Variants in MAP3K4 observed in about 807,000 individuals in gnomAD.
MAP3K4 encodes mitogen-activated protein kinase kinase kinase 4.
Under a neutral mutation model 185.6 loss-of-function variants are expected in MAP3K4, and 67 were observed. The ratio of observed to expected loss-of-function variants is 0.36; its 90% confidence interval spans 0.30 to 0.44. The LOEUF (loss-of-function observed/expected upper bound fraction) is 0.44. Ranked by LOEUF, MAP3K4 falls within the 20% of genes least tolerant of loss-of-function variation. The pLI is 1.00. For missense variants in MAP3K4, 1,551 were observed against 1,995.1 expected (o/e 0.78, Z 4.24); for synonymous variants, 702 against 710.4 (o/e 0.99, Z 0.19).
rs1777290553 is a variant in MAP3K4 at position 161,091,237 on chromosome 6, A to T, written c.2974-142A>T. On this transcript the variant is annotated intron_variant, in intron 11 of 26. Coordinates refer to ENST00000392142, the MANE Select transcript of MAP3K4 (RefSeq NM_005922.4). This position sits in a 1 kb window ranked among gnomAD's most constrained non-coding sequence, Gnocchi z 5.5. ...AATAAAATGACATAATTTCTTCTAT[A>T]TTTGGTAATTCCTTTACCAAGTGGC... is the stretch of plus-strand genomic sequence containing the variant. The T allele has an allele frequency of 1.7e-6, 1 of 579,492 alleles. No individual in the cohort carries two copies. Among genetic ancestry groups the T allele is most frequent in the South Asian group, 3.2e-5 (1 of 31,266 alleles). The allele number at this position is 579,492 out of a possible 1,614,324, so 35.9% of individuals were successfully genotyped here.
At chr6:161,081,134 T>TA in intron 6 of MAP3K4, 96 bp downstream of exon 6, 2 of 1,349,094 alleles carry the variant, frequency 1.5e-6, no homozygotes, top group Non-Finnish European at 2.0e-6. Context: ...TATGTTTAGT[T>TA]ACATGAAAAT....
At chr6:161,078,979 C>G (rs1003535955) in intron 5 of MAP3K4, among the ~76,000 whole-genome samples, 2 of 152,112 alleles carry the variant, frequency 1.3e-5, no homozygotes, top group Admixed American at 1.3e-4. Context: ...TTTGGGAGGC[C>G]GAGGCTGGTG....
chr6:161,012,121 T>C (rs1165594192), intron 1 of MAP3K4, among the ~76,000 whole-genome samples: 1 of 152,228 alleles, frequency 6.6e-6, no homozygotes, highest in East Asian at 1.9e-4. Flanking sequence ...AATTTGCCAC[T>C]CAGCAATAGC....
intron 1 of MAP3K4, among the ~76,000 whole-genome samples, chr6:160,999,777 A>G (rs1244269530): frequency 1.3e-5 from 2 of 152,206 alleles, no homozygotes; most frequent in Non-Finnish European, 2.9e-5. Flanking sequence ...CCATGTGCAC[A>G]GTTACTTGGC....
At chr6:161,040,982 A>C (rs568400449) in intron 2 of MAP3K4, among the ~76,000 whole-genome samples, 1 of 152,172 alleles carries the variant, frequency 6.6e-6, no homozygotes, top group African/African-American at 2.4e-5. Flanking sequence ...AATGAAAGGG[A>C]GATTGTCTTC....
chr6:161,036,350 A>G (rs1270100408), intron 2 of MAP3K4, among the ~76,000 whole-genome samples: 1 of 152,176 alleles, frequency 6.6e-6, no homozygotes, highest in Non-Finnish European at 1.5e-5. Context: ...AATCCTTAAT[A>G]AGTTATTATT....
rs1206020508 is a variant in MAP3K4, at chr6:161,081,020, A to G, written c.2237A>G (p.Gln746Arg). ...CATTACATACGGGGAGGAGAAGCAC[A>G]GGCCGGGAAGCTTTTCTGGTAGGAA... ...ITHYIRGGEA[Q>R]AGKLFCDIAG... The change falls in exon 6 of 27, where the codon CAG becomes CGG. Residue 746 changes from glutamine to arginine, a missense_variant. Coordinates refer to ENST00000392142, the MANE Select transcript of MAP3K4 (RefSeq NM_005922.4). The G allele has an allele frequency of 6.2e-7, 1 of 1,614,022 alleles. No individual in the cohort carries two copies. Among genetic ancestry groups the G allele is most frequent in the East Asian group, 2.2e-5 (1 of 44,880 alleles).
chr6:161,094,583 T>C (rs867429303), intron 15 of MAP3K4, among the ~76,000 whole-genome samples: 15 of 152,220 alleles, frequency 9.9e-5, no homozygotes, highest in African/African-American at 2.9e-4. Context: ...CTTAGAAATT[T>C]TATGCAATTT....
chr6:161,034,120 TA>T lies in MAP3K4; in HGVS notation c.153-134del. The T allele has an allele frequency of 1.7e-6, 1 of 596,516 alleles. No homozygotes were observed. Among genetic ancestry groups the T allele is most frequent in the Non-Finnish European group, 2.8e-6 (1 of 361,976 alleles). 37.0% of individuals were successfully genotyped at this position (596,516 alleles called of 1,614,324 possible). ...AGTTCTCCTTTTGAGTTTTCACAGG[TA>T]AAAATGAGGAGGAGCACAGTGCTGA... On this transcript the variant is annotated intron_variant, in intron 1 of 26. Transcript: ENST00000392142. The surrounding 1 kb of genome is among the most constrained non-coding windows in gnomAD (Gnocchi z 4.4).
At position 161,008,949 on chromosome 6, in the gene MAP3K4, A is replaced by G. The variant is rs748068861; in HGVS notation, c.152+16866A>G. Among the ~76,000 whole-genome samples the G allele has an allele frequency of 1.1e-4, 17 of 150,786 alleles. No homozygotes were observed. Among genetic ancestry groups the G allele is most frequent in the Admixed American group, 4.6e-4 (7 of 15,166 alleles). On this transcript the variant is annotated intron_variant, in intron 1 of 26. Transcript: ENST00000392142. This position sits in a 1 kb window ranked among gnomAD's most constrained non-coding sequence, Gnocchi z 4.1. ...TATAATGTTTATACCCATTGTATAA[A>G]TGTATCATGGCATATTCATTTTTTT... is the stretch of plus-strand genomic sequence containing the variant.
rs1778232064 is a variant in MAP3K4, at chr6:161,109,077, TA to T, written c.4236+221del. 1 of 1,367,590 alleles carries T rather than the reference TA, an allele frequency of 7.3e-7. No individual in the cohort carries two copies. The highest frequency in any genetic ancestry group is 1.0e-6 in the Non-Finnish European group (1 of 997,358). The allele number at this position is 1,367,590 out of a possible 1,614,324, so 84.7% of individuals were successfully genotyped here. On this transcript the variant is annotated intron_variant, in intron 22 of 26. Coordinates refer to ENST00000392142, the MANE Select transcript of MAP3K4 (RefSeq NM_005922.4). This position sits in a 1 kb window ranked among gnomAD's most constrained non-coding sequence, Gnocchi z 5.7. ...GACTGTAGTCATTAACCCGACATCATAAAGCACTGAAACCCATCCTGCCATT... is the reference window on the plus strand; with the variant it reads ...GACTGTAGTCATTAACCCGACATCATAAGCACTGAAACCCATCCTGCCATT...
In MAP3K4 at chr6:161,109,032, C is replaced by G. The variant is rs1483253742; in HGVS notation, c.4236+173C>G. The stretch of plus-strand genomic sequence containing the variant: ...CTTCTCTCTGAAACTAGAGGAGTTC[C>G]TCCTAAAATGTAAGTTGTAGACTGT... On this transcript the variant is annotated intron_variant, in intron 22 of 26. Transcript: ENST00000392142. This position sits in a 1 kb window ranked among gnomAD's most constrained non-coding sequence, Gnocchi z 5.7. 6.5e-7 allele frequency: 1 copy of G among 1,548,598 alleles called. No individual in the cohort carries two copies. Among genetic ancestry groups the G allele is most frequent in the African/African-American group, 1.4e-5 (1 of 73,606 alleles).
intron 2 of MAP3K4, among the ~76,000 whole-genome samples, chr6:161,040,824 A>G (rs1482459755): frequency 6.6e-6 from 1 of 152,262 alleles, no homozygotes; most frequent in Non-Finnish European, 1.5e-5. Flanking sequence ...AGAGGATATT[A>G]TCTTTGTGCA....
intron 15 of MAP3K4, among the ~76,000 whole-genome samples, 162 bp downstream of exon 15, chr6:161,094,013 C>G (rs541352275): frequency 7.7e-4 from 117 of 152,088 alleles, no homozygotes; most frequent in Non-Finnish European, 1.4e-3. Flanking sequence ...TAGAGAACTC[C>G]GCAGCAACCT....
chr6:160,992,867 C>T (rs1318377696), intron 1 of MAP3K4, among the ~76,000 whole-genome samples: 1 of 151,872 alleles, frequency 6.6e-6, no homozygotes, highest in Non-Finnish European at 1.5e-5. Flanking sequence ...GAATTTCCCT[C>T]TTTTTACGTG....
At position 161,092,152 on chromosome 6, in the gene MAP3K4, C is replaced by T. The variant is rs1392433436; in HGVS notation, c.3269+9C>T. On this transcript the variant is annotated intron_variant, in intron 13 of 26. Transcript: ENST00000392142. ...AGAGGTACAAGACCCAGGTAATGAC[C>T]AAGTAGGATGTTTCTGAAATGTGTC... The T allele has an allele frequency of 6.2e-7, 1 of 1,613,078 alleles. No homozygotes were observed. The highest frequency in any genetic ancestry group is 8.5e-7 in the Non-Finnish European group (1 of 1,179,560).
intron 15 of MAP3K4, among the ~76,000 whole-genome samples, chr6:161,094,107 A>T (rs1347414764): frequency 6.6e-6 from 1 of 152,196 alleles, no homozygotes; most frequent in Non-Finnish European, 1.5e-5. Flanking sequence ...ATTTCTTTCT[A>T]TACCAACACT....
chr6:161,093,103 C>G lies in MAP3K4; in HGVS notation c.3348+47C>G. The G allele has an allele frequency of 7.7e-7, 1 of 1,294,866 alleles. No individual in the cohort carries two copies. The allele number at this position is 1,294,866 out of a possible 1,614,324, so 80.2% of individuals were successfully genotyped here. A position where few individuals can be genotyped will look rare whatever the true frequency, so the allele number is the denominator to read the frequency against. On this transcript the variant is annotated intron_variant, in intron 14 of 26. Coordinates refer to ENST00000392142, the MANE Select transcript of MAP3K4 (RefSeq NM_005922.4). This position sits in a 1 kb window ranked among gnomAD's most constrained non-coding sequence, Gnocchi z 5.2. ...TTTTCATTATAAAATAAGCCAGTCA[C>G]TCCTTATTTTCTGGTTGTATATGTT...
Position 161,017,570 on chromosome 6 carries a change from CT to C in MAP3K4, c.153-16685del, listed in dbSNP as rs1393771424. ...TAGGTCCACAAAAAATCTTTGTGAT[CT>C]TTTGTAAGTTATAGAAACAGGCCCA... On this transcript the variant is annotated intron_variant, in intron 1 of 26. Transcript: ENST00000392142. This position sits in a 1 kb window ranked among gnomAD's most constrained non-coding sequence, Gnocchi z 5.1. Among the ~76,000 whole-genome samples, 1 of 152,064 alleles carries C rather than the reference CT, an allele frequency of 6.6e-6. No homozygotes were observed. The highest frequency in any genetic ancestry group is 1.5e-5 in the Non-Finnish European group (1 of 67,994).
Sources: gnomAD v4.1 joint callset for allele counts (sites outside exome capture counted in the v4.1 genomes callset) on GRCh38, gnomAD v4.1.1 for gene constraint, Gnocchi (gnomAD v3.1) non-coding constraint, MANE v1.5 for transcripts, NCBI Gene and HGNC (gene_info 2026-07-23, HGNC 2026-07-21) for gene names.